DOCK8: variants seen among roughly 807,000 people sequenced by gnomAD.
The protein encoded by DOCK8 is dedicator of cytokinesis 8.
DOCK8 carries 141 observed loss-of-function variants against 245.6 expected under a neutral mutation model. That is an observed-to-expected ratio of 0.57 (90% CI 0.50 to 0.66). The LOEUF (loss-of-function observed/expected upper bound fraction) is 0.66. DOCK8 is among the 30% of genes least tolerant of loss of function. The probability of loss-of-function intolerance (pLI) is 0.00; values close to 1 mark genes in which losing one functional copy is unlikely to be tolerated. For missense variants in DOCK8, 2,965 were observed against 2,603.4 expected (o/e 1.14, Z -3.02); for synonymous variants, 1,168 against 970.2 (o/e 1.20, Z -3.79).
At chr9:439,537 G>A in intron 40 of DOCK8, 149 bp downstream of exon 40, 1 of 993,894 alleles carries the variant, frequency 1.0e-6, no homozygotes, top group Non-Finnish European at 1.5e-6. Flanking sequence ...GGCCCGGGGA[G>A]GACTTTGATG....
At chr9:370,586 C>CTT (rs2053241680) in intron 16 of DOCK8, among the ~76,000 whole-genome samples, 1 of 152,210 alleles carries the variant, frequency 6.6e-6, no homozygotes, top group Non-Finnish European at 1.5e-5. Flanking sequence ...ATTAAGGAAA[C>CTT]ACATTTCCTA....
chr9:413,094 A>G (rs993879064), intron 28 of DOCK8, among the ~76,000 whole-genome samples: 1 of 152,170 alleles, frequency 6.6e-6, no homozygotes, highest in South Asian at 2.1e-4. Flanking sequence ...TAAGAGTCCA[A>G]AAATAAATCT....
At chr9:228,221 T>C (rs2047030182) in intron 1 of DOCK8, among the ~76,000 whole-genome samples, 3 of 152,288 alleles carry the variant, frequency 2.0e-5, no homozygotes, top group Middle Eastern at 6.8e-3. Flanking sequence ...GAACAAAGGA[T>C]GTGCTGATCT....
intron 21 of DOCK8, 142 bp from the exon 22 acceptor site, chr9:382,371 C>T (rs536377409): frequency 1.0e-4 from 121 of 1,168,598 alleles, no homozygotes; most frequent in South Asian, 4.5e-4. Flanking sequence ...CTACCCCAAC[C>T]AGGATTTGTT....
At position 299,258 on chromosome 9, in the gene DOCK8, T is replaced by C. The variant is rs562148343; in HGVS notation, c.405-5323T>C. On this transcript the variant is annotated intron_variant, in intron 4 of 47. Transcript: ENST00000432829. The stretch of plus-strand genomic sequence containing the variant: ...TTTACCCAGTCAGCACACACAGATA[T>C]GTTGTTGCCTACATTTATATTTGTG... 1.0e-3 allele frequency among the ~76,000 whole-genome samples: 158 copies of C among 152,282 alleles called. 1 individual carries two copies. The highest frequency in any genetic ancestry group is 2.1e-3 in the Non-Finnish European group (140 of 68,024).
At chr9:241,935 A>T (rs1021365514) in intron 1 of DOCK8, among the ~76,000 whole-genome samples, 1 of 152,200 alleles carries the variant, frequency 6.6e-6, no homozygotes, top group Non-Finnish European at 1.5e-5. Flanking sequence ...AACATTTTTT[A>T]AAATGTTTGT....
chr9:306,245 C>T (rs193086552), intron 5 of DOCK8, among the ~76,000 whole-genome samples: 46 of 152,184 alleles, frequency 3.0e-4, no homozygotes, highest in Middle Eastern at 3.4e-3. Flanking sequence ...ACAAGGTGGT[C>T]CCCCTAAAGC....
At chr9:418,945 G>A (rs1220484487) in intron 30 of DOCK8, among the ~76,000 whole-genome samples, 2 of 152,068 alleles carry the variant, frequency 1.3e-5, no homozygotes, top group African/African-American at 2.4e-5. Flanking sequence ...AAACAAGACT[G>A]CAGCTTTTCT....
chr9:447,597 A>G (rs2057304544), intron 44 of DOCK8, among the ~76,000 whole-genome samples: 1 of 152,128 alleles, frequency 6.6e-6, no homozygotes, highest in African/African-American at 2.4e-5. Context: ...ATCTTGTCCA[A>G]CCATTTGGCT....
At chr9:396,335 G>A (rs1041972513) in intron 24 of DOCK8, among the ~76,000 whole-genome samples, 2 of 152,086 alleles carry the variant, frequency 1.3e-5, no homozygotes, top group Non-Finnish European at 2.9e-5. Context: ...TTTCTCCCAC[G>A]TTCTCCTTAC....
chr9:220,657 A>T (rs2046859977), intron 1 of DOCK8: 1 of 343,170 alleles, frequency 2.9e-6, no homozygotes, highest in Non-Finnish European at 5.6e-6. Context: ...TATTTGATAA[A>T]GGGTTAAAGC....
At chr9:427,169 C>T (rs1375616511) in intron 34 of DOCK8, among the ~76,000 whole-genome samples, 188 bp downstream of exon 34, 2 of 152,170 alleles carry the variant, frequency 1.3e-5, no homozygotes, top group Non-Finnish European at 2.9e-5. Flanking sequence ...ACCAAACATT[C>T]TTCTGGCTTC....
Position 377,131 on chromosome 9 carries a change from C to G in DOCK8, c.2360C>G (p.Pro787Arg). ...IICLNSSRLE[P>R]LVLFLHLVLD... ...TGCCTGAACTCCTCCCGCCTGGAGCCGCTCGTGCTCTTCCTGCACCTGGTG... is the reference window on the plus strand; with the variant it reads ...TGCCTGAACTCCTCCCGCCTGGAGCGGCTCGTGCTCTTCCTGCACCTGGTG... The change falls in exon 20 of 48, where the codon CCG becomes CGG. Residue 787 changes from proline (P) to arginine (R), a missense_variant. Coordinates refer to ENST00000432829, the MANE Select transcript of DOCK8 (RefSeq NM_203447.4). 1 of 1,609,286 alleles carries G rather than the reference C, an allele frequency of 6.2e-7. No individual in the cohort carries two copies. Among genetic ancestry groups the G allele is most frequent in the Non-Finnish European group, 8.5e-7 (1 of 1,179,906 alleles).
chr9:446,449 A>G lies in DOCK8; in HGVS notation c.5660A>G (p.Asn1887Ser). The change falls in exon 44 of 48, where the codon AAT becomes AGT. Residue 1887 changes from asparagine to serine, a missense_variant. Coordinates refer to ENST00000432829, the MANE Select transcript of DOCK8 (RefSeq NM_203447.4). The stretch of plus-strand genomic sequence containing the variant: ...GACAGGGTCACATACTTTGAGAAGA[A>G]TTTCAACCTCCGGAGGTTCATGTAC... Reference protein sequence around the residue: ...MKDRVTYFEKNFNLRRFMYTT... With the variant: ...MKDRVTYFEKSFNLRRFMYTT... 1 of 1,614,238 alleles carries G rather than the reference A, an allele frequency of 6.2e-7. No homozygotes were observed. The highest frequency in any genetic ancestry group is 2.2e-5 in the East Asian group (1 of 44,888).
At chr9:291,942 C>T (rs1023918794) in intron 4 of DOCK8, among the ~76,000 whole-genome samples, 4 of 151,314 alleles carry the variant, frequency 2.6e-5, no homozygotes, top group African/African-American at 9.7e-5. Context: ...TGATGACATG[C>T]ACCTGTAGTC....
intron 1 of DOCK8, among the ~76,000 whole-genome samples, chr9:233,559 T>A (rs2047171503): frequency 6.6e-6 from 1 of 151,616 alleles, no homozygotes; most frequent in Non-Finnish European, 1.5e-5. Flanking sequence ...ACTAAGGACT[T>A]GCTTTATGAA....
At chr9:366,720 C>T (rs1196748697) in intron 14 of DOCK8, among the ~76,000 whole-genome samples, 1 of 151,020 alleles carries the variant, frequency 6.6e-6, no homozygotes, top group African/African-American at 2.5e-5. Flanking sequence ...CTGTTTATCT[C>T]GCTTTGCCTT....
intron 24 of DOCK8, among the ~76,000 whole-genome samples, chr9:395,783 G>T (rs1441760869): frequency 2.0e-5 from 3 of 152,062 alleles, no homozygotes; most frequent in African/African-American, 7.2e-5. Flanking sequence ...GCATGATCTT[G>T]ATTTAAAATT....
At chr9:410,044 A>G (rs1231120718) in intron 28 of DOCK8, among the ~76,000 whole-genome samples, 1 of 152,174 alleles carries the variant, frequency 6.6e-6, no homozygotes, top group East Asian at 1.9e-4. Flanking sequence ...ATGCACACAT[A>G]TGTTTATTGC....
Sources: gnomAD v4.1 joint callset for allele counts (sites outside exome capture counted in the v4.1 genomes callset) on GRCh38, gnomAD v4.1.1 for gene constraint, MANE v1.5 for transcripts, NCBI Gene and HGNC (gene_info 2026-07-23, HGNC 2026-07-21) for gene names.